Variants in DGKZ observed in about 807,000 individuals in gnomAD.
DGKZ encodes DAG kinase zeta.
A neutral mutation model predicts 142.5 loss-of-function variants in DGKZ; 45 were observed. The ratio of observed to expected loss-of-function variants is 0.32; its 90% CI spans 0.25 to 0.40. DGKZ has a LOEUF of 0.40. Among genes scored for constraint, DGKZ ranks in the 10% least tolerant of loss-of-function variants. The probability of loss-of-function intolerance (pLI) is 1.00; values close to 1 mark genes in which losing one functional copy is unlikely to be tolerated. For missense variants in DGKZ, 755 were observed against 1,306.5 expected, an observed-to-expected ratio of 0.58 and a Z score of 6.51; for synonymous variants, 442 against 527.0, an observed-to-expected ratio of 0.84 and a Z score of 2.21.
At chr11:46,376,613 G>C (rs759278420) in intron 24 of DGKZ, 49 bp downstream of exon 24, 1 of 1,610,932 alleles carries the variant, frequency 6.2e-7, no homozygotes, top group East Asian at 2.2e-5. Context: ...CGGGCCCCAG[G>C]GTCGCCTCTC....
At chr11:46,355,326 T>C (rs1473645076) in intron 1 of DGKZ, among the ~76,000 whole-genome samples, 1 of 152,076 alleles carries the variant, frequency 6.6e-6, no homozygotes, top group East Asian at 1.9e-4. Flanking sequence ...GCCAGGATGG[T>C]CTCGATCTCC....
intron 1 of DGKZ, among the ~76,000 whole-genome samples, chr11:46,358,411 CTTTTTT>C (rs990182167): frequency 1.3e-5 from 2 of 148,938 alleles, no homozygotes; most frequent in Non-Finnish European, 3.0e-5. Context: ...GTACTAGATG[CTTTTTT>C]TTTTAAGAAC....
chr11:46,354,378 T>C (rs1449184676), intron 1 of DGKZ, among the ~76,000 whole-genome samples: 1 of 152,204 alleles, frequency 6.6e-6, no homozygotes, highest in Non-Finnish European at 1.5e-5. Context: ...CTTTCTTTTG[T>C]AGAGACGAGG....
exon 30 of DGKZ, chr11:46,379,502 G>A: frequency 6.2e-7 from 1 of 1,611,406 alleles, no homozygotes; most frequent in Non-Finnish European, 8.5e-7. Flanking sequence ...CAGCGGCCCT[G>A]GGCCAGCGCA....
At chr11:46,365,323 C>A in intron 1 of DGKZ, 1 of 985,448 alleles carries the variant, frequency 1.0e-6, no homozygotes, top group Non-Finnish European at 1.2e-6. Context: ...GGTTTCCCGG[C>A]ATCACCCAGC....
intron 1 of DGKZ, among the ~76,000 whole-genome samples, chr11:46,354,878 A>G (rs1941822811): frequency 6.6e-6 from 1 of 152,134 alleles, no homozygotes; most frequent in African/African-American, 2.4e-5. Context: ...ATTCTCACGG[A>G]TCCATTTTAA....
chr11:46,371,822 G>A (rs1324488796), intron 9 of DGKZ, 47 bp downstream of exon 9: 2 of 1,583,924 alleles, frequency 1.3e-6, no homozygotes, highest in Non-Finnish European at 1.7e-6. Flanking sequence ...GGAGAGAGGG[G>A]TCTGTTGCTC....
At position 46,355,890 on chromosome 11, in the gene DGKZ, G is replaced by T. The variant is rs977324928; in HGVS notation, c.161+8070G>T. 7.2e-5 allele frequency among the ~76,000 whole-genome samples: 11 copies of T among 152,312 alleles called. No individual in the cohort carries two copies. In the East Asian group the frequency reaches 2.1e-3, roughly 29 times the overall value. On this transcript the variant is annotated intron_variant, in intron 1 of 30. Transcript: ENST00000527911. ...GCCTCCCAAGTAGCTGGGATTACAG[G>T]CATGGGCCACCACACCCGGCTAATT...
chr11:46,350,609 A>C (rs2136403468), intron 1 of DGKZ, among the ~76,000 whole-genome samples: 1 of 152,156 alleles, frequency 6.6e-6, no homozygotes. Flanking sequence ...CAGGTGGAGA[A>C]TTCTGCATGC....
exon 1 of DGKZ, chr11:46,333,270 C>T (rs1277443165): frequency 2.4e-6 from 3 of 1,250,078 alleles, no homozygotes; most frequent in Non-Finnish European, 3.0e-6. Flanking sequence ...GGAAGGCGGC[C>T]GCACGATGGC....
At chr11:46,369,238 GA>G in intron 4 of DGKZ, 2 of 569,150 alleles carry the variant, frequency 3.5e-6, no homozygotes, top group South Asian at 4.0e-5. Context: ...GGGGGAGACG[GA>G]CCCAAAGCTC....
intron 1 of DGKZ, chr11:46,366,769 C>G: frequency 1.9e-6 from 3 of 1,549,324 alleles, no homozygotes; most frequent in Non-Finnish European, 2.6e-6. Context: ...CCGCGGATGC[C>G]GTATATGACC....
At chr11:46,348,554 A>ATC (rs5791723) in intron 1 of DGKZ, among the ~76,000 whole-genome samples, 64,713 of 151,924 alleles carry the variant, frequency 0.43, 18,449 homozygotes, top group African/African-American at 0.82. Flanking sequence ...GGAGTCTGGA[A>ATC]TCTGCTGGCT....
chr11:46,369,864 TG>T (rs1484358028), intron 5 of DGKZ, 76 bp from the exon 6 acceptor site: 1 of 1,508,974 alleles, frequency 6.6e-7, no homozygotes, highest in East Asian at 2.3e-5. Context: ...CCCCGTGTGT[TG>T]AGCCGTGTGG....
rs142411032 is a variant in DGKZ, at chr11:46,335,277, G to A, written c.212+1790G>A. On this transcript the variant is annotated intron_variant, in intron 1 of 30. Transcript: ENST00000343674. ...TGCAGTGAGCAGAGATGGCGCCACT[G>A]TACTCTAGCCTGGCGACAGAGGGTG... Among the ~76,000 whole-genome samples, 868 of 151,134 alleles carry A rather than the reference G, an allele frequency of 5.7e-3. 8 individuals carry two copies. Among genetic ancestry groups the A allele is most frequent in the African/African-American group, 0.02 (818 of 40,976 alleles).
intron 1 of DGKZ, among the ~76,000 whole-genome samples, chr11:46,358,024 C>G (rs1008197170): frequency 1.3e-5 from 2 of 152,220 alleles, no homozygotes; most frequent in Non-Finnish European, 2.9e-5. Flanking sequence ...CAGATTCACT[C>G]TGAATCAGTG....
At chr11:46,375,308 T>A in intron 19 of DGKZ, 124 bp from the exon 20 acceptor site, 1 of 1,173,418 alleles carries the variant, frequency 8.5e-7, no homozygotes, top group Non-Finnish European at 1.2e-6. Context: ...CCCTCTGCCC[T>A]CTGGCCAGGG....
intron 25 of DGKZ, 119 bp from the exon 26 acceptor site, chr11:46,378,079 G>A: frequency 7.9e-7 from 1 of 1,271,462 alleles, no homozygotes; most frequent in East Asian, 2.5e-5. Flanking sequence ...ATAGTGCTTG[G>A]TGTGTAGCAG....
intron 1 of DGKZ, chr11:46,366,907 G>A: frequency 6.5e-7 from 1 of 1,547,548 alleles, no homozygotes; most frequent in Non-Finnish European, 8.7e-7. Context: ...CCACCCGTGT[G>A]CGCCCACTGT....
Sources: allele counts gnomAD v4.1 joint callset (sites outside exome capture counted in the v4.1 genomes callset), GRCh38; gene constraint gnomAD v4.1.1; transcripts MANE v1.5; gene names NCBI Gene and HGNC (gene_info 2026-07-23, HGNC 2026-07-21).